Variants in PRKN observed in about 807,000 individuals in gnomAD.
The protein encoded by PRKN is E3 ubiquitin-protein ligase parkin.
A neutral mutation model predicts 59.5 loss-of-function variants in PRKN; 56 were observed. The observed-to-expected ratio is 0.94, with a 90% CI of 0.76 to 1.18. PRKN has a LOEUF of 1.18. PRKN is among the 50% of genes most tolerant of loss of function. The probability of loss-of-function intolerance (pLI) is 0.00; values close to 1 mark genes in which losing one functional copy is unlikely to be tolerated. For synonymous variants in PRKN, 250 were observed against 222.1 expected, an observed-to-expected ratio of 1.13 and a Z score of -1.12; for missense variants, 657 against 596.4, an observed-to-expected ratio of 1.10 and a Z score of -1.06.
rs190797137 is a variant in PRKN at position 161,664,913 on chromosome 6, C to T, written c.872-95497G>A. ...AAGCGATTCTTCTGCCTCAGCCTCC[C>T]GAGTAGCTGGGATTACAGGTGTGCA... On this transcript the variant is annotated intron_variant, in intron 7 of 11. Coordinates refer to ENST00000366898, the MANE Select transcript of PRKN (RefSeq NM_004562.3). Among the ~76,000 whole-genome samples, 26 of 151,798 alleles carry T rather than the reference C, an allele frequency of 1.7e-4. No homozygotes were observed. In the East Asian group the frequency reaches 3.7e-3, roughly 22 times the overall value.
rs1047312938 is a variant in PRKN at position 161,386,027 on chromosome 6, T to C, written c.1167+767A>G. ...CATTCAGATCTTTAACATTCTCTAT[T>C]GTAAAATCAAAATATTCTGGGATTT... On this transcript the variant is annotated intron_variant, in intron 10 of 11. Transcript: ENST00000366898. This position sits in a 1 kb window ranked among gnomAD's most constrained non-coding sequence, Gnocchi z 4.3. Among the ~76,000 whole-genome samples, 1 of 152,232 alleles carries C rather than the reference T, an allele frequency of 6.6e-6. No homozygotes were observed. Among genetic ancestry groups the C allele is most frequent in the African/African-American group, 2.4e-5 (1 of 41,462 alleles).
At chr6:162,697,299 T>C (rs1778004927) in intron 1 of PRKN, among the ~76,000 whole-genome samples, 1 of 152,030 alleles carries the variant, frequency 6.6e-6, no homozygotes, top group African/African-American at 2.4e-5. Context: ...TCAATGAAAA[T>C]AAAAAGATAG....
At position 162,617,353 on chromosome 6, in the gene PRKN, G is replaced by A. The variant is rs144582092; in HGVS notation, c.7+110309C>T. 6.4e-3 allele frequency among the ~76,000 whole-genome samples: 972 copies of A among 152,064 alleles called. 15 individuals are homozygous for A. The highest frequency in any genetic ancestry group is 0.014 in the Middle Eastern group (4 of 294). ...TTCAAGCTATTCTCCCACCTCAGCC[G>A]CCCAAGTAGCTGGGATTACAGGCAC... is the stretch of plus-strand genomic sequence containing the variant. On this transcript the variant is annotated intron_variant, in intron 1 of 11. Coordinates refer to ENST00000366898, the MANE Select transcript of PRKN (RefSeq NM_004562.3).
chr6:162,618,524 C>T (rs959338947), intron 1 of PRKN, among the ~76,000 whole-genome samples: 22 of 152,208 alleles, frequency 1.4e-4, no homozygotes, highest in South Asian at 4.1e-4. Context: ...ACAAATCTAT[C>T]CCGTGTTCAG....
chr6:162,430,480 G>A (rs1346440742), intron 2 of PRKN, among the ~76,000 whole-genome samples: 1 of 151,992 alleles, frequency 6.6e-6, no homozygotes, highest in Non-Finnish European at 1.5e-5. Context: ...TTGGGAGCAG[G>A]GCTCATACCT....
At chr6:162,612,700 A>C (rs1782247649) in intron 1 of PRKN, among the ~76,000 whole-genome samples, 1 of 152,044 alleles carries the variant, frequency 6.6e-6, no homozygotes. Context: ...CAGGATGATG[A>C]TGAAAGGACA....
At chr6:161,896,520 G>C (rs1055646472) in intron 6 of PRKN, among the ~76,000 whole-genome samples, 1 of 152,162 alleles carries the variant, frequency 6.6e-6, no homozygotes, top group African/African-American at 2.4e-5. Flanking sequence ...CTCAGTCAAC[G>C]CCATATAGAG....
rs1468804985 is a variant in PRKN at position 161,413,465 on chromosome 6, G to T, written c.1084-26588C>A. Among the ~76,000 whole-genome samples, 1 of 152,212 alleles carries T rather than the reference G, an allele frequency of 6.6e-6. No individual in the cohort carries two copies. Among genetic ancestry groups the T allele is most frequent in the Non-Finnish European group, 1.5e-5 (1 of 68,044 alleles). On this transcript the variant is annotated intron_variant, in intron 9 of 11. Coordinates refer to ENST00000366898, the MANE Select transcript of PRKN (RefSeq NM_004562.3). This position sits in a 1 kb window ranked among gnomAD's most constrained non-coding sequence, Gnocchi z 4.4. ...ACATCAGAGAGGACATAGGGATCTG[G>T]CCAGCTGGGAATGGAAGCCAAGTGG...
intron 7 of PRKN, among the ~76,000 whole-genome samples, chr6:161,747,718 G>A (rs1293358017): frequency 1.3e-5 from 2 of 152,272 alleles, no homozygotes; most frequent in East Asian, 3.9e-4. Context: ...GTAATTAGAC[G>A]GTTGTAATAT....
At chr6:162,470,221 C>A (rs574495520) in intron 1 of PRKN, among the ~76,000 whole-genome samples, 1 of 152,244 alleles carries the variant, frequency 6.6e-6, no homozygotes, top group African/African-American at 2.4e-5. Flanking sequence ...ATGTCCTTGA[C>A]ATTTTATGAT....
At chr6:162,329,930 G>A (rs1200931825) in intron 2 of PRKN, among the ~76,000 whole-genome samples, 2 of 152,198 alleles carry the variant, frequency 1.3e-5, no homozygotes, top group Non-Finnish European at 2.9e-5. Context: ...ATCAGAAACG[G>A]TATCCAATCT....
rs186840855 is a variant in PRKN, at chr6:161,410,879, A to G, written c.1084-24002T>C. 2.0e-4 allele frequency among the ~76,000 whole-genome samples: 31 copies of G among 152,260 alleles called. No homozygotes were observed. The highest frequency in any genetic ancestry group is 7.0e-4 in the African/African-American group (29 of 41,542). On this transcript the variant is annotated intron_variant, in intron 9 of 11. Transcript: ENST00000366898. The surrounding 1 kb of genome is among the most constrained non-coding windows in gnomAD (Gnocchi z 5.3). ...AAGCAAAGCAACTCATCACCTACCC[A>G]TAAGAATAACAGAAAGGGCCACTCG... is the stretch of plus-strand genomic sequence containing the variant.
intron 7 of PRKN, among the ~76,000 whole-genome samples, chr6:161,693,147 C>T (rs1371335864): frequency 6.6e-6 from 1 of 151,618 alleles, no homozygotes; most frequent in Non-Finnish European, 1.5e-5. Context: ...ATTTAAAAAG[C>T]TTATAAAACA....
intron 7 of PRKN, among the ~76,000 whole-genome samples, chr6:161,623,571 G>A (rs1782984733): frequency 6.6e-6 from 1 of 152,160 alleles, no homozygotes; most frequent in Non-Finnish European, 1.5e-5. Flanking sequence ...TCAAGCATTT[G>A]TTATCTTTTT....
At chr6:162,314,464 T>C (rs1461315646) in intron 2 of PRKN, among the ~76,000 whole-genome samples, 2 of 152,144 alleles carry the variant, frequency 1.3e-5, no homozygotes, top group Non-Finnish European at 2.9e-5. Flanking sequence ...ATTTTGCCCT[T>C]TAGAGTAATT....
chr6:162,339,972 T>A (rs1192601693), intron 2 of PRKN, among the ~76,000 whole-genome samples: 3 of 147,942 alleles, frequency 2.0e-5, no homozygotes, highest in Admixed American at 2.0e-4. Context: ...CAATCCCTAA[T>A]CTCAAGTAAT....
rs1169059739 is a variant in PRKN, at chr6:162,389,517, A to G, written c.171+53793T>C. ...AAGAAAGAAAACAAAATAGACGTACACACAGCCCATTTGCATTCCCTCTAC... is the reference window on the plus strand; with the variant it reads ...AAGAAAGAAAACAAAATAGACGTACGCACAGCCCATTTGCATTCCCTCTAC... On this transcript the variant is annotated intron_variant, in intron 2 of 11. Coordinates refer to ENST00000366898, the MANE Select transcript of PRKN (RefSeq NM_004562.3). Among the ~76,000 whole-genome samples the G allele has an allele frequency of 2.6e-5, 4 of 152,302 alleles. No homozygotes were observed. The East Asian group carries it at 5.8e-4, about 22-fold the overall frequency.
At chr6:161,910,910 T>G (rs910911275) in intron 6 of PRKN, among the ~76,000 whole-genome samples, 2 of 152,196 alleles carry the variant, frequency 1.3e-5, no homozygotes, top group Non-Finnish European at 2.9e-5. Context: ...TAAAGTATTT[T>G]TAAATTGAAG....
rs572054858 is a variant in PRKN at position 161,355,113 on chromosome 6, G to A, written c.1286-4902C>T. 1.3e-3 allele frequency among the ~76,000 whole-genome samples: 201 copies of A among 152,296 alleles called. 1 individual carries two copies. The highest frequency in any genetic ancestry group is 4.3e-3 in the African/African-American group (180 of 41,578). On this transcript the variant is annotated intron_variant, in intron 11 of 11. Transcript: ENST00000366898. The surrounding 1 kb of genome is among the most constrained non-coding windows in gnomAD (Gnocchi z 6.8). ...CTACTGCTTCAGCTGAGGCTCCTGC[G>A]TGCGGTGCCTGGAACACGAGCAGCA... is the stretch of plus-strand genomic sequence containing the variant.
Sources: gnomAD v4.1 joint callset for allele counts (sites outside exome capture counted in the v4.1 genomes callset) on GRCh38, gnomAD v4.1.1 for gene constraint, Gnocchi (gnomAD v3.1) non-coding constraint, MANE v1.5 for transcripts, NCBI Gene and HGNC (gene_info 2026-07-23, HGNC 2026-07-21) for gene names.